Variants in LAPTM4B observed in about 807,000 individuals in gnomAD.
LAPTM4B encodes the protein lysosomal protein transmembrane 4 beta, also known as lysosomal-associated transmembrane protein 4B.
LAPTM4B carries 26 observed loss-of-function variants against 28.5 expected under a neutral mutation model. The ratio of observed to expected loss-of-function variants is 0.91; its 90% CI spans 0.67 to 1.27. The LOEUF is 1.27. Ranked by LOEUF, LAPTM4B falls within the 50% of genes most tolerant of loss-of-function variation. The probability of loss-of-function intolerance (pLI) is 0.00; values close to 1 mark genes in which losing one functional copy is unlikely to be tolerated. For missense variants in LAPTM4B, 288 were observed against 285.8 expected (o/e 1.01, Z -0.06); for synonymous variants, 109 against 106.4 (o/e 1.02, Z -0.15).
rs1816897674 is a variant in LAPTM4B, at chr8:97,815,519, T to C, written c.285+118T>C. On this transcript the variant is annotated intron_variant, in intron 3 of 6. Coordinates refer to ENST00000521545, the MANE Select transcript of LAPTM4B (RefSeq NM_018407.6). ...TTTCTGTTAAGAATCTCTGTTTAAATCTCTCGTTTGTATTATGTGGTACTA... is the reference window on the plus strand; with the variant it reads ...TTTCTGTTAAGAATCTCTGTTTAAACCTCTCGTTTGTATTATGTGGTACTA... 7.6e-6 allele frequency: 6 copies of C among 785,450 alleles called. No homozygotes were observed. In the South Asian group the frequency reaches 9.9e-5, roughly 13 times the overall value. The allele number at this position is 785,450 out of a possible 1,614,324, so 48.7% of individuals were successfully genotyped here. A position where few individuals can be genotyped will look rare whatever the true frequency, so the allele number is the denominator to read the frequency against.
intron 1 of LAPTM4B, among the ~76,000 whole-genome samples, chr8:97,789,505 T>A (rs1367262166): frequency 2.6e-5 from 4 of 151,036 alleles, no homozygotes; most frequent in African/African-American, 9.8e-5. Context: ...GAACCTGACA[T>A]ACCCTACCAT....
chr8:97,788,018 T>G (rs1187221246), intron 1 of LAPTM4B, among the ~76,000 whole-genome samples: 1 of 152,084 alleles, frequency 6.6e-6, no homozygotes, highest in Admixed American at 6.6e-5. Context: ...ATTTCTTTTT[T>G]AAAATAAAAG....
At chr8:97,802,629 ACCT>A (rs1320365823) in intron 1 of LAPTM4B, among the ~76,000 whole-genome samples, 3 of 152,154 alleles carry the variant, frequency 2.0e-5, no homozygotes, top group Non-Finnish European at 4.4e-5. Context: ...AGAAGGCCTA[ACCT>A]CCTGGAAGTG....
chr8:97,846,550 C>T (rs1817437261), intron 6 of LAPTM4B, among the ~76,000 whole-genome samples: 1 of 152,150 alleles, frequency 6.6e-6, no homozygotes, highest in African/African-American at 2.4e-5. Flanking sequence ...TGGTCTTGAA[C>T]TCTCGACCTC....
At chr8:97,851,358 C>T (rs756464864) in intron 6 of LAPTM4B, 39 bp from the exon 7 acceptor site, 13 of 1,511,790 alleles carry the variant, frequency 8.6e-6, no homozygotes, top group Non-Finnish European at 1.1e-5. Flanking sequence ...CGTGTGTGCT[C>T]TTCAAACATT....
At chr8:97,805,513 C>T in intron 2 of LAPTM4B, 49 bp downstream of exon 2, 1 of 977,528 alleles carries the variant, frequency 1.0e-6, no homozygotes, top group Non-Finnish European at 1.7e-6. Flanking sequence ...ATCTGACTGC[C>T]AGCACTTCCT....
chr8:97,850,355 T>G (rs1268932040), intron 6 of LAPTM4B, among the ~76,000 whole-genome samples: 4 of 151,586 alleles, frequency 2.6e-5, no homozygotes, highest in African/African-American at 9.8e-5. Context: ...GTTCCTGCTG[T>G]CGGATAGGCA....
intron 6 of LAPTM4B, among the ~76,000 whole-genome samples, chr8:97,849,734 T>C (rs191751412): frequency 1.3e-3 from 191 of 152,208 alleles, no homozygotes; most frequent in African/African-American, 3.9e-3. Flanking sequence ...TACTCCTCCT[T>C]CACCTCCTGA....
chr8:97,818,682 C>T (rs370501980), intron 4 of LAPTM4B, among the ~76,000 whole-genome samples: 2 of 151,972 alleles, frequency 1.3e-5, no homozygotes, highest in East Asian at 3.9e-4. Flanking sequence ...TGTCCCTTGC[C>T]CTGCATATGC....
intron 5 of LAPTM4B, among the ~76,000 whole-genome samples, chr8:97,823,270 C>T (rs564798645): frequency 7.2e-5 from 11 of 152,040 alleles, no homozygotes; most frequent in African/African-American, 2.7e-4. Flanking sequence ...TAGGTGAATG[C>T]ATGTGGCCTT....
chr8:97,779,509 G>A (rs766534243), intron 1 of LAPTM4B, among the ~76,000 whole-genome samples: 1 of 151,842 alleles, frequency 6.6e-6, no homozygotes, highest in South Asian at 2.1e-4. Context: ...AGAGAAAGAG[G>A]CCTGGTGCAG....
chr8:97,839,157 T>C (rs1401876587), intron 6 of LAPTM4B, among the ~76,000 whole-genome samples: 1 of 152,164 alleles, frequency 6.6e-6, no homozygotes. Context: ...TCCTATTTCT[T>C]TCCTTCTGCA....
In LAPTM4B at chr8:97,816,040, A is replaced by G. The variant is rs753638925; in HGVS notation, c.286-18A>G. The G allele has an allele frequency of 1.9e-6, 3 of 1,582,654 alleles. No individual in the cohort carries two copies. Among genetic ancestry groups the G allele is most frequent in the East Asian group, 2.3e-5 (1 of 44,040 alleles). ...ATAATATTGAACACATTAACTTTCT[A>G]TTTTCTGTTCTGTTTAGCAACGCGC... On this transcript the variant is annotated intron_variant, in intron 3 of 6. Transcript: ENST00000521545.
intron 1 of LAPTM4B, among the ~76,000 whole-genome samples, chr8:97,783,709 T>A (rs1450404300): frequency 5.9e-5 from 9 of 152,150 alleles, no homozygotes; most frequent in Admixed American, 5.9e-4. Flanking sequence ...GGGGTCTCAT[T>A]TGCATAACAA....
At chr8:97,798,046 C>A (rs1207131303) in intron 1 of LAPTM4B, among the ~76,000 whole-genome samples, 1 of 152,154 alleles carries the variant, frequency 6.6e-6, no homozygotes, top group Non-Finnish European at 1.5e-5. Context: ...CCCTCTTTTG[C>A]ATTTAGATCA....
chr8:97,825,986 C>G lies in LAPTM4B; in HGVS notation c.603+833C>G, dbSNP rs186771457. Among the ~76,000 whole-genome samples the G allele has an allele frequency of 2.4e-3, 365 of 152,286 alleles. 1 individual carries two copies. Among genetic ancestry groups the G allele is most frequent in the Admixed American group, 4.0e-3 (61 of 15,300 alleles). On this transcript the variant is annotated intron_variant, in intron 6 of 6. Coordinates refer to ENST00000521545, the MANE Select transcript of LAPTM4B (RefSeq NM_018407.6). ...TAAATGGTAGGACGTCAAATTTATA[C>G]TAGAGTAGAGTTTTGTGTTTTTGGT...
At chr8:97,851,260 T>C in intron 6 of LAPTM4B, 137 bp from the exon 7 acceptor site, 1 of 718,758 alleles carries the variant, frequency 1.4e-6, no homozygotes, top group East Asian at 2.6e-5. Context: ...TAATGAAGTG[T>C]ATCCACTTGC....
At chr8:97,815,569 T>A (rs1586333252) in intron 3 of LAPTM4B, among the ~76,000 whole-genome samples, 168 bp downstream of exon 3, 1 of 134,024 alleles carries the variant, frequency 7.5e-6, no homozygotes. Context: ...ATACTGGAAA[T>A]TTTTTTTTTT....
At chr8:97,817,908 G>T (rs573415572) in intron 4 of LAPTM4B, among the ~76,000 whole-genome samples, 3 of 151,388 alleles carry the variant, frequency 2.0e-5, no homozygotes. Flanking sequence ...CAATCTTCTG[G>T]GCTCAAGTGA....
Sources: gnomAD v4.1 joint callset for allele counts (sites outside exome capture counted in the v4.1 genomes callset) on GRCh38, gnomAD v4.1.1 for gene constraint, MANE v1.5 for transcripts, NCBI Gene and HGNC (gene_info 2026-07-23, HGNC 2026-07-21) for gene names.